Variants in PRMT7 observed in about 807,000 individuals in gnomAD.
The protein encoded by PRMT7 is protein arginine methyltransferase 7.
Under a neutral mutation model 85.4 loss-of-function variants are expected in PRMT7, and 75 were observed. The observed-to-expected ratio is 0.88, with a 90% CI of 0.73 to 1.06. PRMT7 has a LOEUF of 1.06. PRMT7 is among the 50% of genes least tolerant of loss of function. PRMT7 has a pLI of 0.00. For missense variants in PRMT7, 868 were observed against 915.2 expected (o/e 0.95, Z 0.67); for synonymous variants, 397 against 359.5 (o/e 1.10, Z -1.18).
intron 3 of PRMT7, among the ~76,000 whole-genome samples, chr16:68,320,977 C>T (rs1017499198): frequency 1.3e-5 from 2 of 151,360 alleles, no homozygotes; most frequent in South Asian, 2.1e-4. Flanking sequence ...TAAAAATAAA[C>T]AAAAAAATAG....
At chr16:68,352,934 A>T (rs965109172) in intron 15 of PRMT7, among the ~76,000 whole-genome samples, 1 of 152,180 alleles carries the variant, frequency 6.6e-6, no homozygotes, top group African/African-American at 2.4e-5. Flanking sequence ...TTTCTCTCCT[A>T]GCTTAGTGGC....
rs2082905053 is a variant in PRMT7 at position 68,324,763 on chromosome 16, TG to T, written c.215del (p.Gly72AlafsTer9). The T allele has an allele frequency of 1.2e-6, 2 of 1,613,776 alleles. No homozygotes were observed. Among genetic ancestry groups the T allele is most frequent in the African/African-American group, 2.7e-5 (2 of 74,924 alleles). The part of the protein sequence containing the change: ...RGQKALVLDI[G>X]TGTGLLSMMA... ...GACAGAAGGCCTTGGTTCTCGACAT[TG>T]GCACTGGCACGGGACTCTTGTCAAT... On this transcript the variant is annotated frameshift_variant, in exon 5 of 19. Coordinates refer to ENST00000441236, the MANE Select transcript of PRMT7 (RefSeq NM_019023.5). LOFTEE classifies it high-confidence loss of function.
At chr16:68,318,295 G>GA (rs2082107918) in intron 3 of PRMT7, among the ~76,000 whole-genome samples, 1 of 151,768 alleles carries the variant, frequency 6.6e-6, no homozygotes, top group Non-Finnish European at 1.5e-5. Context: ...CGCCTCCTGG[G>GA]TTCACGCCAT....
At chr16:68,350,562 T>C (rs1206043042) in intron 14 of PRMT7, among the ~76,000 whole-genome samples, 1 of 152,216 alleles carries the variant, frequency 6.6e-6, no homozygotes, top group African/African-American at 2.4e-5. Context: ...TGGTGAAATG[T>C]CTATTCAAGC....
chr16:68,349,537 A>G (rs962864540), intron 14 of PRMT7, among the ~76,000 whole-genome samples: 3 of 152,070 alleles, frequency 2.0e-5, no homozygotes, highest in African/African-American at 4.8e-5. Flanking sequence ...ATGCATTTCA[A>G]TTGTACAGTT....
At chr16:68,339,213 AT>A (rs1887528204) in intron 7 of PRMT7, 108 bp from the exon 8 acceptor site, 1 of 1,427,356 alleles carries the variant, frequency 7.0e-7, no homozygotes, top group African/African-American at 1.4e-5. Context: ...GGTGTTGGGC[AT>A]TACTGAACCA....
At chr16:68,313,104 C>T (rs571673982) in intron 2 of PRMT7, among the ~76,000 whole-genome samples, 2 of 152,306 alleles carry the variant, frequency 1.3e-5, no homozygotes, top group East Asian at 1.9e-4. Flanking sequence ...GGATTATAGG[C>T]GTGAGTCACC....
chr16:68,329,190 C>T lies in PRMT7; in HGVS notation c.391+16C>T. 2.0e-6 allele frequency: 3 copies of T among 1,529,068 alleles called. No homozygotes were observed. The highest frequency in any genetic ancestry group is 1.1e-5 in the South Asian group (1 of 89,100). The allele number at this position is 1,529,068 out of a possible 1,614,324, so 94.7% of individuals were successfully genotyped here. A position where few individuals can be genotyped will look rare whatever the true frequency, so the allele number is the denominator to read the frequency against. ...GTAGGTCCAGGTGAGATTTACACAC[C>T]CTGTGTTGAAAGCTTTGCTTGCTCT... On this transcript the variant is annotated intron_variant, in intron 6 of 18. Coordinates refer to ENST00000441236, the MANE Select transcript of PRMT7 (RefSeq NM_019023.5).
chr16:68,340,260 G>A (rs1415049409), intron 9 of PRMT7, among the ~76,000 whole-genome samples: 2 of 152,090 alleles, frequency 1.3e-5, no homozygotes, highest in Non-Finnish European at 2.9e-5. Flanking sequence ...CATCCCCTGA[G>A]TAATCCCAGG....
chr16:68,360,472 A>C (rs918187263), downstream of PRMT7: 1 of 152,394 alleles, frequency 6.6e-6, no homozygotes, highest in Admixed American at 6.5e-5. Flanking sequence ...TGAGCTGGGG[A>C]AGGGACCCTG....
chr16:68,315,459 C>T (rs907408276), intron 2 of PRMT7: 2 of 155,546 alleles, frequency 1.3e-5, no homozygotes, highest in African/African-American at 2.4e-5. Flanking sequence ...GAAAGTTTTC[C>T]TGGTTTGACT....
intron 3 of PRMT7, among the ~76,000 whole-genome samples, chr16:68,319,611 C>T (rs2082251326): frequency 6.6e-6 from 1 of 151,686 alleles, no homozygotes; most frequent in Non-Finnish European, 1.5e-5. Flanking sequence ...AAAAAAGAAC[C>T]CCCTTCTTTC....
chr16:68,327,389 TGTTCAGGGAAACTCGAAGA>T (rs2083255534), intron 5 of PRMT7, among the ~76,000 whole-genome samples: 1 of 152,176 alleles, frequency 6.6e-6, no homozygotes, highest in African/African-American at 2.4e-5. Context: ...TGCTTATTTA[TGTTCAGGGAAACTCGAAGA>T]GTTCAGGGAA....
In PRMT7 at chr16:68,357,008, C is replaced by T. The variant is rs765043510; in HGVS notation, c.1909-46C>T. 9 of 1,552,968 alleles carry T rather than the reference C, an allele frequency of 5.8e-6. No homozygotes were observed. In the East Asian group the frequency reaches 9.0e-5, roughly 16 times the overall value. On this transcript the variant is annotated intron_variant, in intron 18 of 18. Transcript: ENST00000441236. ...CTGGAGGCTGGCTAGGAAGGAGGCT[C>T]AGGTGCCAGGGAGCCCTCACCATCT...
downstream of PRMT7, chr16:68,360,236 T>G (rs1177978856): frequency 6.6e-6 from 1 of 152,446 alleles, no homozygotes; most frequent in African/African-American, 2.4e-5. Context: ...GGGAGAGGAT[T>G]GGCAGAAAGA....
intron 3 of PRMT7, among the ~76,000 whole-genome samples, chr16:68,319,780 C>G (rs1002258107): frequency 7.0e-5 from 10 of 142,816 alleles, no homozygotes; most frequent in Admixed American, 1.4e-4. Context: ...TCTAGTGATT[C>G]TAGTGTTGAC....
At chr16:68,320,012 C>T (rs7189887) in intron 3 of PRMT7, among the ~76,000 whole-genome samples, 21,555 of 152,050 alleles carry the variant, frequency 0.14, 1,616 homozygotes, top group African/African-American at 0.18. Context: ...GTTAAGTGAA[C>T]GTGCCCAGTG....
chr16:68,348,991 G>A (rs2086850677), intron 14 of PRMT7, among the ~76,000 whole-genome samples: 1 of 152,078 alleles, frequency 6.6e-6, no homozygotes, highest in Non-Finnish European at 1.5e-5. Flanking sequence ...GGACAGAGCA[G>A]CTCTCTTGGG....
chr16:68,318,652 G>A (rs1220847638), intron 3 of PRMT7: 1 of 152,238 alleles, frequency 6.6e-6, no homozygotes, highest in Non-Finnish European at 1.5e-5. Flanking sequence ...TCTTGCCTCA[G>A]CCTCTTAGGT....
Sources: gnomAD v4.1 joint callset for allele counts (sites outside exome capture counted in the v4.1 genomes callset) on GRCh38, gnomAD v4.1.1 for gene constraint, MANE v1.5 for transcripts, NCBI Gene and HGNC (gene_info 2026-07-23, HGNC 2026-07-21) for gene names.